The following GALNTL6 variants were observed in gnomAD, a reference collection of about 807,000 sequenced individuals.
GALNTL6 encodes polypeptide N-acetylgalactosaminyltransferase-like 6.
Under a neutral mutation model 73.7 loss-of-function variants are expected in GALNTL6, and 46 were observed. The observed-to-expected ratio is 0.62, with a 90% CI of 0.49 to 0.80. The LOEUF is 0.80. Among genes scored for constraint, GALNTL6 ranks in the 30% least tolerant of loss-of-function variants. GALNTL6 has a pLI of 0.00. For missense variants in GALNTL6, 604 were observed against 755.0 expected (o/e 0.80, Z 2.34); for synonymous variants, 259 against 263.7 (o/e 0.98, Z 0.17).
intron 3 of GALNTL6, among the ~76,000 whole-genome samples, chr4:172,306,628 CCT>C (rs533745060): frequency 6.6e-6 from 1 of 152,142 alleles, no homozygotes; most frequent in South Asian, 2.1e-4. Flanking sequence ...TAGCTTTACC[CCT>C]GAGTGCCCAG....
chr4:172,728,516 G>T (rs1040768591), intron 5 of GALNTL6, among the ~76,000 whole-genome samples: 2 of 151,704 alleles, frequency 1.3e-5, no homozygotes, highest in Non-Finnish European at 2.9e-5. Flanking sequence ...AAATATATAT[G>T]TACATATACA....
At chr4:172,544,341 A>G (rs1735677045) in intron 5 of GALNTL6, among the ~76,000 whole-genome samples, 1 of 152,152 alleles carries the variant, frequency 6.6e-6, no homozygotes, top group African/African-American at 2.4e-5. Context: ...GTGGTTCCAC[A>G]TCTCTGCTAT....
At chr4:171,949,995 C>T (rs2111029096) in intron 2 of GALNTL6, among the ~76,000 whole-genome samples, 1 of 152,228 alleles carries the variant, frequency 6.6e-6, no homozygotes, top group East Asian at 1.9e-4. Flanking sequence ...AAATTAAATG[C>T]CATCCAGTAG....
chr4:172,009,427 C>G (rs74494954), intron 2 of GALNTL6, among the ~76,000 whole-genome samples: 1 of 152,088 alleles, frequency 6.6e-6, no homozygotes, highest in Non-Finnish European at 1.5e-5. Context: ...GGTCTACCCC[C>G]TGTGCCTGTC....
intron 5 of GALNTL6, among the ~76,000 whole-genome samples, chr4:172,754,101 C>G (rs538674354): frequency 6.6e-6 from 1 of 152,094 alleles, no homozygotes; most frequent in Non-Finnish European, 1.5e-5. Context: ...TTTCAGGCAA[C>G]GGTTGGTGGA....
intron 10 of GALNTL6, among the ~76,000 whole-genome samples, chr4:173,003,327 G>A (rs1298245977): frequency 6.6e-6 from 1 of 152,036 alleles, no homozygotes; most frequent in Non-Finnish European, 1.5e-5. Context: ...GAGATCTTGG[G>A]GGATTGTGTA....
Position 171,926,241 on chromosome 4 carries a change from A to G in GALNTL6, c.138+111523A>G, listed in dbSNP as rs1466587706. ...TATTTCATCAGTTATCTATATTGCCATTTCAATTTTCAAATGACATATAGT... is the reference window on the plus strand; with the variant it reads ...TATTTCATCAGTTATCTATATTGCCGTTTCAATTTTCAAATGACATATAGT... On this transcript the variant is annotated intron_variant, in intron 2 of 12. Coordinates refer to ENST00000506823, the MANE Select transcript of GALNTL6 (RefSeq NM_001034845.3). Among the ~76,000 whole-genome samples, 4 of 152,076 alleles carry G rather than the reference A, an allele frequency of 2.6e-5. No homozygotes were observed. The East Asian group carries it at 7.7e-4, about 29-fold the overall frequency.
At chr4:172,685,891 A>C (rs1184973754) in intron 5 of GALNTL6, among the ~76,000 whole-genome samples, 2 of 152,156 alleles carry the variant, frequency 1.3e-5, no homozygotes, top group East Asian at 3.9e-4. Flanking sequence ...GCAGTCAATA[A>C]GTAGTCCATT....
chr4:172,345,821 T>A (rs1296380215), intron 4 of GALNTL6, among the ~76,000 whole-genome samples: 2 of 152,168 alleles, frequency 1.3e-5, no homozygotes, highest in Non-Finnish European at 2.9e-5. Context: ...AAGTAGCCAG[T>A]AAAAGATGCA....
At position 172,669,877 on chromosome 4, in the gene GALNTL6, T is replaced by C. The variant is rs577116428; in HGVS notation, c.554-139484T>C. On this transcript the variant is annotated intron_variant, in intron 5 of 12. Transcript: ENST00000506823. Reference sequence around the variant, plus strand: ...TTGTTCTCCTTTATGTGACCATGTGTTCTCATCATTTAGCTCCCTCTAATA... The same window carrying C: ...TTGTTCTCCTTTATGTGACCATGTGCTCTCATCATTTAGCTCCCTCTAATA... Among the ~76,000 whole-genome samples, 6 of 152,300 alleles carry C rather than the reference T, an allele frequency of 3.9e-5. No individual in the cohort carries two copies. In the East Asian group the frequency reaches 1.2e-3, roughly 29 times the overall value.
Position 172,754,969 on chromosome 4 carries a change from G to A in GALNTL6, c.554-54392G>A, listed in dbSNP as rs867112100. ...TCCTCAGTCCAACTCTTGTGTCATC[G>A]CAGGACATAAAAACTACCAATTGCC... On this transcript the variant is annotated intron_variant, in intron 5 of 12. Transcript: ENST00000506823. 6.6e-5 allele frequency among the ~76,000 whole-genome samples: 10 copies of A among 151,932 alleles called. No homozygotes were observed. The South Asian group carries it at 1.9e-3, about 28-fold the overall frequency.
intron 2 of GALNTL6, among the ~76,000 whole-genome samples, chr4:171,919,887 C>G (rs970233145): frequency 6.6e-6 from 1 of 152,010 alleles, no homozygotes; most frequent in African/African-American, 2.4e-5. Context: ...TACCATTTGA[C>G]CCAGCAATCC....
At chr4:172,922,683 C>T (rs1747854791) in intron 8 of GALNTL6, among the ~76,000 whole-genome samples, 1 of 152,146 alleles carries the variant, frequency 6.6e-6, no homozygotes, top group Non-Finnish European at 1.5e-5. Context: ...AGTAGAAGCA[C>T]TAAGTATAAT....
intron 2 of GALNTL6, among the ~76,000 whole-genome samples, chr4:172,036,092 C>A (rs188269973): frequency 6.6e-6 from 1 of 151,898 alleles, no homozygotes; most frequent in Non-Finnish European, 1.5e-5. Flanking sequence ...AGGACATAGC[C>A]CAGTAAGTAT....
intron 8 of GALNTL6, among the ~76,000 whole-genome samples, chr4:172,899,120 G>A (rs995107322): frequency 2.6e-5 from 4 of 152,164 alleles, no homozygotes; most frequent in South Asian, 2.1e-4. Context: ...TTTTGGAGAC[G>A]TGAGTCCACC....
chr4:172,659,614 G>C (rs574449844), intron 5 of GALNTL6, among the ~76,000 whole-genome samples: 2 of 152,170 alleles, frequency 1.3e-5, no homozygotes, highest in African/African-American at 2.4e-5. Context: ...GGGGCACTGT[G>C]ATGTCTTTTT....
chr4:172,898,929 A>G lies in GALNTL6; in HGVS notation c.1041+16022A>G, dbSNP rs553330682. ...GTTATGTTATCTATAGATTCCAGAC[A>G]TTGTATGGAAAAGCACTGTGAAAAT... On this transcript the variant is annotated intron_variant, in intron 8 of 12. Transcript: ENST00000506823. Among the ~76,000 whole-genome samples, 5 of 152,318 alleles carry G rather than the reference A, an allele frequency of 3.3e-5. No individual in the cohort carries two copies. The East Asian group carries it at 5.8e-4, about 18-fold the overall frequency.
chr4:172,254,936 C>T (rs538891228), intron 3 of GALNTL6, among the ~76,000 whole-genome samples: 11 of 151,608 alleles, frequency 7.3e-5, no homozygotes, highest in East Asian at 3.9e-4. Flanking sequence ...GGAAGTTATT[C>T]GGTCATTTAC....
At chr4:172,307,433 G>A (rs1278855126) in intron 3 of GALNTL6, among the ~76,000 whole-genome samples, 1 of 152,114 alleles carries the variant, frequency 6.6e-6, no homozygotes, top group Admixed American at 6.5e-5. Context: ...CTTTGCCTAA[G>A]CCAATGTCTA....
Sources: allele counts gnomAD v4.1 joint callset (sites outside exome capture counted in the v4.1 genomes callset), GRCh38; gene constraint gnomAD v4.1.1; transcripts MANE v1.5; gene names NCBI Gene and HGNC (gene_info 2026-07-23, HGNC 2026-07-21).